SLC16A7: variants seen among roughly 807,000 people sequenced by gnomAD.
The protein encoded by SLC16A7 is solute carrier family 16 member 7, also known as monocarboxylate transporter 2.
SLC16A7 carries 33 observed loss-of-function variants against 34.9 expected under a neutral mutation model. The observed-to-expected ratio is 0.94, with a 90% CI of 0.72 to 1.26. SLC16A7 has a LOEUF of 1.26. Among genes scored for constraint, SLC16A7 ranks in the 50% most tolerant of loss-of-function variants. The pLI, the probability that SLC16A7 is intolerant of heterozygous loss-of-function variation, is 0.00. For synonymous variants in SLC16A7, 201 were observed against 206.6 expected (o/e 0.97, Z 0.23); for missense variants, 573 against 578.1 (o/e 0.99, Z 0.09).
At chr12:59,615,615 C>A (rs1879414693) in intron 1 of SLC16A7, among the ~76,000 whole-genome samples, 1 of 152,180 alleles carries the variant, frequency 6.6e-6, no homozygotes, top group Non-Finnish European at 1.5e-5. Flanking sequence ...TAGCAACACA[C>A]CTGCATCAAT....
At position 59,779,526 on chromosome 12, in the gene SLC16A7, CTA is replaced by C; in HGVS notation, c.1287_1288del (p.Tyr429Ter). 6.2e-7 allele frequency: 1 copy of C among 1,612,636 alleles called. No homozygotes were observed. Among genetic ancestry groups the C allele is most frequent in the Non-Finnish European group, 8.5e-7 (1 of 1,179,098 alleles). The stretch of plus-strand genomic sequence containing the variant: ...GGCTGCTCATTGGCAATGCTATCAA[CTA>C]TAGATTGCTTGCAAAGGAAAGGAAG... Reference protein sequence around the residue: ...VWLLIGNAINYRLLAKERKEE... With the variant: ...VWLLIGNAINXRLLAKERKEE... On this transcript the variant is annotated frameshift_variant, in exon 6 of 6. Coordinates refer to ENST00000547379, the MANE Select transcript of SLC16A7 (RefSeq NM_001270623.2). LOFTEE classifies it high-confidence loss of function.
At chr12:59,620,537 T>C (rs540716131) in intron 1 of SLC16A7, among the ~76,000 whole-genome samples, 1 of 152,096 alleles carries the variant, frequency 6.6e-6, no homozygotes, top group Non-Finnish European at 1.5e-5. Context: ...AGTTGATGAC[T>C]AAGGCCTTTC....
intron 3 of SLC16A7, among the ~76,000 whole-genome samples, chr12:59,731,652 G>A (rs141061872): frequency 6.6e-6 from 1 of 152,288 alleles, no homozygotes; most frequent in East Asian, 1.9e-4. Flanking sequence ...AACTCTCTGA[G>A]CCTGACTTCT....
At chr12:59,627,613 A>G (rs1043088822) in intron 1 of SLC16A7, among the ~76,000 whole-genome samples, 3 of 151,960 alleles carry the variant, frequency 2.0e-5, no homozygotes, top group East Asian at 1.9e-4. Flanking sequence ...TAAATCCATC[A>G]TATTTACTCA....
chr12:59,762,008 A>G (rs774633232), intron 3 of SLC16A7, among the ~76,000 whole-genome samples: 2 of 152,040 alleles, frequency 1.3e-5, no homozygotes, highest in Non-Finnish European at 2.9e-5. Flanking sequence ...AGGGGATTCC[A>G]TCTTTCTTTG....
At chr12:59,778,598 A>G (rs1448465219) in intron 5 of SLC16A7, among the ~76,000 whole-genome samples, 2 of 152,182 alleles carry the variant, frequency 1.3e-5, no homozygotes, top group African/African-American at 4.8e-5. Flanking sequence ...CAAAATTTTA[A>G]AAGTCAATTA....
intron 3 of SLC16A7, among the ~76,000 whole-genome samples, chr12:59,765,225 G>A (rs1291972674): frequency 2.0e-5 from 3 of 152,138 alleles, no homozygotes; most frequent in Admixed American, 6.5e-5. Context: ...GTAGATTCTG[G>A]ATATTAGCCC....
intron 1 of SLC16A7, among the ~76,000 whole-genome samples, chr12:59,603,075 C>T (rs1878765658): frequency 6.6e-6 from 1 of 152,138 alleles, no homozygotes; most frequent in South Asian, 2.1e-4. Context: ...GCTTTTGAGA[C>T]CACCCTTTCT....
chr12:59,628,638 TTGTG>T (rs1880037616), intron 1 of SLC16A7, among the ~76,000 whole-genome samples: 1 of 151,558 alleles, frequency 6.6e-6, no homozygotes, highest in South Asian at 2.1e-4. Context: ...ATCATATTCT[TTGTG>T]TGTGTGTAAG....
chr12:59,662,053 ATAT>A (rs1868881396), intron 2 of SLC16A7, among the ~76,000 whole-genome samples: 1 of 152,060 alleles, frequency 6.6e-6, no homozygotes, highest in South Asian at 2.1e-4. Flanking sequence ...GAAATGTGTT[ATAT>A]TATTTCCATT....
At chr12:59,677,544 C>T (rs1233643031) in intron 2 of SLC16A7, among the ~76,000 whole-genome samples, 3 of 152,144 alleles carry the variant, frequency 2.0e-5, no homozygotes, top group African/African-American at 7.2e-5. Context: ...TTAGCATCCA[C>T]CTTCAAAGTA....
chr12:59,731,342 T>G (rs1876928213), intron 3 of SLC16A7, among the ~76,000 whole-genome samples: 1 of 152,160 alleles, frequency 6.6e-6, no homozygotes. Context: ...TTCAAACAAT[T>G]TATCAGTTAG....
At chr12:59,766,240 T>C (rs1881614499) in intron 3 of SLC16A7, among the ~76,000 whole-genome samples, 1 of 152,204 alleles carries the variant, frequency 6.6e-6, no homozygotes, top group Non-Finnish European at 1.5e-5. Context: ...GCTGAGACAT[T>C]GGGGTTTTCT....
intron 3 of SLC16A7, chr12:59,736,068 A>G (rs1011054331): frequency 7.9e-6 from 2 of 253,710 alleles, no homozygotes; most frequent in Non-Finnish European, 1.5e-5. Context: ...GAGACACCAT[A>G]CAACTGTGAG....
Position 59,647,885 on chromosome 12 carries a change from C to CA in SLC16A7, c.-129-7257dup, listed in dbSNP as rs372091660. ...TGGTGACCACAAAACATGGTCACTA[C>CA]AAAAAAAAAATACAAAAATTAGCCA... On this transcript the variant is annotated intron_variant, in intron 1 of 5. Coordinates refer to ENST00000547379, the MANE Select transcript of SLC16A7 (RefSeq NM_001270623.2). Among the ~76,000 whole-genome samples, 351 of 146,220 alleles carry CA rather than the reference C, an allele frequency of 2.4e-3. 1 individual carries two copies. The highest frequency in any genetic ancestry group is 6.9e-3 in the African/African-American group (273 of 39,846).
At chr12:59,699,906 C>G (rs1943415303) in intron 2 of SLC16A7, among the ~76,000 whole-genome samples, 2 of 151,660 alleles carry the variant, frequency 1.3e-5, no homozygotes, top group Admixed American at 1.3e-4. Flanking sequence ...AACCAGTATT[C>G]TTTTTATAGT....
chr12:59,607,588 CTG>C lies in SLC16A7; in HGVS notation c.-130+11353_-130+11354del, dbSNP rs138009771. ...TAGGATATTTATTCACTGGATAAAA[CTG>C]AGTATTTTGCATTGATGGCAGAGAC... On this transcript the variant is annotated intron_variant, in intron 1 of 5. Transcript: ENST00000547379. Among the ~76,000 whole-genome samples the C allele has an allele frequency of 4.2e-3, 636 of 152,150 alleles. 3 individuals are homozygous for C. Among genetic ancestry groups the C allele is most frequent in the African/African-American group, 0.015 (612 of 41,514 alleles).
intron 1 of SLC16A7, among the ~76,000 whole-genome samples, chr12:59,628,663 T>C (rs918712549): frequency 5.3e-5 from 8 of 151,734 alleles, no homozygotes; most frequent in Non-Finnish European, 1.2e-4. Context: ...TGTGCGTGTG[T>C]GTGTGCATGT....
Position 59,596,561 on chromosome 12 carries a change from C to G in SLC16A7, c.-130+325C>G, listed in dbSNP as rs961572166. On this transcript the variant is annotated intron_variant, in intron 1 of 5. Coordinates refer to ENST00000547379, the MANE Select transcript of SLC16A7 (RefSeq NM_001270623.2). This position sits in a 1 kb window ranked among gnomAD's most constrained non-coding sequence, Gnocchi z 5.0. The stretch of plus-strand genomic sequence containing the variant: ...GGCCAGGAGGTGCTCACGCTCTCGG[C>G]TTTTACACCGAGACTCAGCGTGGCG... Among the ~76,000 whole-genome samples, 7 of 152,068 alleles carry G rather than the reference C, an allele frequency of 4.6e-5. No individual in the cohort carries two copies. The highest frequency in any genetic ancestry group is 4.6e-4 in the Admixed American group (7 of 15,298).
Sources: gnomAD v4.1 joint callset for allele counts (sites outside exome capture counted in the v4.1 genomes callset) on GRCh38, gnomAD v4.1.1 for gene constraint, Gnocchi (gnomAD v3.1) non-coding constraint, MANE v1.5 for transcripts, NCBI Gene and HGNC (gene_info 2026-07-23, HGNC 2026-07-21) for gene names.